Variants in EPM2A observed in about 807,000 individuals in gnomAD.
EPM2A encodes the protein EPM2A glucan phosphatase, laforin, also known as laforin.
A neutral mutation model predicts 26.5 loss-of-function variants in EPM2A; 21 were observed. The ratio of observed to expected loss-of-function variants is 0.79; its 90% CI spans 0.56 to 1.14. The LOEUF is 1.14. EPM2A is among the 50% of genes most tolerant of loss of function. The probability of loss-of-function intolerance (pLI) is 0.00; values close to 1 mark genes in which losing one functional copy is unlikely to be tolerated. For synonymous variants in EPM2A, 217 were observed against 177.6 expected, an observed-to-expected ratio of 1.22 and a Z score of -1.76; for missense variants, 458 against 440.8, an observed-to-expected ratio of 1.04 and a Z score of -0.35.
intron 4 of EPM2A, among the ~76,000 whole-genome samples, chr6:145,448,337 T>C (rs1253231706): frequency 6.6e-6 from 1 of 152,050 alleles, no homozygotes; most frequent in East Asian, 1.9e-4. Context: ...ACAATGTAAA[T>C]CAAATTTTCC....
intron 3 of EPM2A, chr6:145,628,211 A>T (rs1318356464): frequency 1.2e-5 from 2 of 164,518 alleles, no homozygotes; most frequent in African/African-American, 2.4e-5. Context: ...TGTTCAATGG[A>T]ATGGCTAACA....
chr6:145,491,227 T>G, intron 4 of EPM2A: 1 of 400,826 alleles, frequency 2.5e-6, no homozygotes. Context: ...TAGGAACTGG[T>G]GTGCAGGGGC....
intron 1 of EPM2A, among the ~76,000 whole-genome samples, chr6:145,716,547 C>T (rs542518793): frequency 6.6e-6 from 1 of 152,142 alleles, no homozygotes; most frequent in Admixed American, 6.5e-5. Context: ...CTGCCCACGT[C>T]CTCCAGGTCT....
rs764231649 is a variant in EPM2A at position 145,686,253 on chromosome 6, G to A, written c.345C>T (p.Asn115=). Reference sequence around the variant, plus strand: ...GACAATACACACCATCCACCAAGTTGTTTTCATTGTAAGTACAGCAACGGT... The same window carrying A: ...GACAATACACACCATCCACCAAGTTATTTTCATTGTAAGTACAGCAACGGT... ...HHDRCCTYNE[N]NLVDGVYCLP... is the part of the protein sequence containing the mutation. Residue 115 remains asparagine, a synonymous_variant, in exon 2 of 4, where the codon AAC becomes AAT. Coordinates refer to ENST00000367519, the MANE Select transcript of EPM2A (RefSeq NM_005670.4). The A allele has an allele frequency of 3.1e-6, 5 of 1,613,958 alleles. No homozygotes were observed. In the Admixed American group the frequency reaches 8.3e-5, roughly 27 times the overall value.
At chr6:145,713,868 A>C (rs1775471029) in intron 1 of EPM2A, among the ~76,000 whole-genome samples, 1 of 152,244 alleles carries the variant, frequency 6.6e-6, no homozygotes, top group Non-Finnish European at 1.5e-5. Flanking sequence ...AAAATGTGAC[A>C]CACCCATACA....
At chr6:145,706,428 T>A (rs915148891) in intron 1 of EPM2A, among the ~76,000 whole-genome samples, 1 of 152,220 alleles carries the variant, frequency 6.6e-6, no homozygotes, top group African/African-American at 2.4e-5. Flanking sequence ...TTCACTAAAC[T>A]GCATGCTATT....
At chr6:145,456,770 A>C (rs1028315821) in intron 4 of EPM2A, among the ~76,000 whole-genome samples, 1 of 152,216 alleles carries the variant, frequency 6.6e-6, no homozygotes, top group Non-Finnish European at 1.5e-5. Flanking sequence ...AAAAGAAAAC[A>C]AGAGCAAATA....
chr6:145,407,304 A>G (rs970811622), intron 4 of EPM2A, among the ~76,000 whole-genome samples: 1 of 152,184 alleles, frequency 6.6e-6, no homozygotes, highest in Non-Finnish European at 1.5e-5. Context: ...AGGCATTTAC[A>G]CTAAATTTGG....
At chr6:145,731,606 C>T (rs777203200) in intron 1 of EPM2A, among the ~76,000 whole-genome samples, 1 of 152,102 alleles carries the variant, frequency 6.6e-6, no homozygotes, top group Non-Finnish European at 1.5e-5. Context: ...AGGGGAACAT[C>T]ACACACCAAG....
At chr6:145,713,660 G>T (rs1775461330) in intron 1 of EPM2A, among the ~76,000 whole-genome samples, 1 of 152,170 alleles carries the variant, frequency 6.6e-6, no homozygotes, top group Admixed American at 6.6e-5. Flanking sequence ...TTGGAAAACA[G>T]TCTGGAATTT....
chr6:145,726,863 G>A (rs548936161), intron 1 of EPM2A, among the ~76,000 whole-genome samples: 37 of 152,202 alleles, frequency 2.4e-4, no homozygotes, highest in African/African-American at 7.9e-4. Flanking sequence ...AATGAAATAT[G>A]AATGAAATCT....
At chr6:145,720,062 T>C (rs1048672477) in intron 1 of EPM2A, among the ~76,000 whole-genome samples, 2 of 152,214 alleles carry the variant, frequency 1.3e-5, no homozygotes, top group African/African-American at 4.8e-5. Context: ...TCTAGTTAGA[T>C]TGATTCACTA....
At chr6:145,491,692 G>C (rs1377782419) in intron 4 of EPM2A, 2 of 446,508 alleles carry the variant, frequency 4.5e-6, no homozygotes, top group Admixed American at 5.4e-5. Flanking sequence ...TGGGACCCTT[G>C]CCGGGGACCT....
intron 1 of EPM2A, among the ~76,000 whole-genome samples, chr6:145,694,182 T>G (rs1781440355): frequency 6.6e-6 from 1 of 152,012 alleles, no homozygotes; most frequent in Non-Finnish European, 1.5e-5. Flanking sequence ...TTTAAATGTT[T>G]CATTTCTAGC....
At chr6:145,661,461 A>T (rs577093568) in intron 2 of EPM2A, among the ~76,000 whole-genome samples, 1 of 152,338 alleles carries the variant, frequency 6.6e-6, no homozygotes, top group East Asian at 1.9e-4. Context: ...AATGCAAGGG[A>T]ATCCTTTCTG....
chr6:145,503,003 C>T (rs556832815), intron 2 of EPM2A, among the ~76,000 whole-genome samples: 1 of 152,276 alleles, frequency 6.6e-6, no homozygotes, highest in East Asian at 1.9e-4. Context: ...TTTAGCTTTG[C>T]CATAACCCAT....
At position 145,560,628 on chromosome 6, in the gene EPM2A, T is replaced by C. The variant is rs375405744; in HGVS notation, c.341-58053A>G. On this transcript the variant is annotated intron_variant, in intron 2 of 3. Transcript: ENST00000450221. ...CTATACAAATTAATTTCCAGTTAATTAATATCTGGTTGGAAACTTTATGAA... is the reference window on the plus strand; with the variant it reads ...CTATACAAATTAATTTCCAGTTAATCAATATCTGGTTGGAAACTTTATGAA... 1.2e-4 allele frequency among the ~76,000 whole-genome samples: 18 copies of C among 152,152 alleles called. No homozygotes were observed. In the East Asian group the frequency reaches 1.9e-3, roughly 16 times the overall value.
intron 2 of EPM2A, among the ~76,000 whole-genome samples, chr6:145,609,153 C>A (rs1775335997): frequency 2.0e-5 from 3 of 152,096 alleles, no homozygotes; most frequent in African/African-American, 4.8e-5. Flanking sequence ...ACTTGCCTTA[C>A]ATAATGCTCT....
chr6:145,542,166 C>A (rs545716622), intron 2 of EPM2A, among the ~76,000 whole-genome samples: 1 of 152,306 alleles, frequency 6.6e-6, no homozygotes, highest in African/African-American at 2.4e-5. Flanking sequence ...AATATTTCTT[C>A]ACCATGAAAA....
Sources: allele counts gnomAD v4.1 joint callset (sites outside exome capture counted in the v4.1 genomes callset), GRCh38; gene constraint gnomAD v4.1.1; transcripts MANE v1.5; gene names NCBI Gene and HGNC (gene_info 2026-07-23, HGNC 2026-07-21).